Variants in UMODL1 observed in about 807,000 individuals in gnomAD.
UMODL1 encodes uromodulin like 1.
In UMODL1, 128 loss-of-function variants were observed where a neutral mutation model predicts 136.3. The observed-to-expected ratio is 0.94, with a 90% CI of 0.81 to 1.09. UMODL1 has a LOEUF of 1.09. UMODL1 is among the 50% of genes least tolerant of loss of function. The pLI, the probability that UMODL1 is intolerant of heterozygous loss-of-function variation, is 0.00. For missense variants in UMODL1, 1,766 were observed against 1,725.6 expected (o/e 1.02, Z -0.41); for synonymous variants, 721 against 720.0 (o/e 1.00, Z -0.02).
intron 15 of UMODL1, 87 bp from the exon 16 acceptor site, chr21:42,121,000 T>G: frequency 5.4e-6 from 8 of 1,493,514 alleles, no homozygotes; most frequent in Non-Finnish European, 7.2e-6. Flanking sequence ...GCTTTGTCTG[T>G]GAGATGCACT....
Position 42,122,882 on chromosome 21 carries a change from C to T in UMODL1, c.2879C>T (p.Thr960Ile). 1 of 1,613,446 alleles carries T rather than the reference C, an allele frequency of 6.2e-7. No individual in the cohort carries two copies. The highest frequency in any genetic ancestry group is 1.7e-5 in the Admixed American group (1 of 59,992). ...GCCACCAGCCCAGAGAGGCCTCTCA[C>T]CACAGCAGGGACCAAGGCTGCCTTT... ...TWATSPERPL[T>I]TAGTKAAFVQ... Residue 960 changes from threonine to isoleucine, a missense_variant, in exon 17 of 23, where the codon ACC (threonine) becomes ATC (isoleucine). By Grantham distance (89) the Thr-to-Ile change is moderately conservative. Transcript: ENST00000408910. The surrounding 1 kb of genome is among the most constrained non-coding windows in gnomAD (Gnocchi z 4.3).
At chr21:42,083,204 G>A (rs1306038166) in intron 2 of UMODL1, among the ~76,000 whole-genome samples, 4 of 152,224 alleles carry the variant, frequency 2.6e-5, no homozygotes, top group African/African-American at 9.6e-5. Flanking sequence ...TGGGCGAGCA[G>A]TGGACATGTC....
intron 20 of UMODL1, 196 bp downstream of exon 20, chr21:42,128,027 T>C (rs760882360): frequency 1.3e-5 from 9 of 717,488 alleles, no homozygotes; most frequent in Admixed American, 6.2e-5. Context: ...GGAGGACTCA[T>C]GTGGACTGGT....
At position 42,129,817 on chromosome 21, in the gene UMODL1, T is replaced by C; in HGVS notation, c.3775+20T>C. 5.3e-6 allele frequency: 8 copies of C among 1,522,582 alleles called. No homozygotes were observed. Among genetic ancestry groups the C allele is most frequent in the Non-Finnish European group, 7.0e-6 (8 of 1,138,264 alleles). 94.3% of individuals were successfully genotyped at this position (1,522,582 alleles called of 1,614,324 possible). On this transcript the variant is annotated intron_variant, in intron 21 of 22. Coordinates refer to ENST00000408910, the MANE Select transcript of UMODL1 (RefSeq NM_001004416.3). Reference sequence around the variant, plus strand: ...CTGAAGGTGAGTTGATGACTTGGTTTAGACAATGAAAGAAAAGATGCAACC... The same window carrying C: ...CTGAAGGTGAGTTGATGACTTGGTTCAGACAATGAAAGAAAAGATGCAACC...
intron 6 of UMODL1, among the ~76,000 whole-genome samples, chr21:42,090,988 G>A (rs776453340): frequency 6.6e-6 from 1 of 152,228 alleles, no homozygotes; most frequent in Non-Finnish European, 1.5e-5. Context: ...GGAAAAGGGT[G>A]AAGGCATTTT....
intron 6 of UMODL1, among the ~76,000 whole-genome samples, chr21:42,090,980 A>G (rs1254073141): frequency 1.3e-5 from 2 of 152,176 alleles, no homozygotes; most frequent in East Asian, 3.9e-4. Context: ...TCGAAACGGG[A>G]AAAGGGTGAA....
chr21:42,088,493 T>C lies in UMODL1; in HGVS notation c.790+13T>C. The C allele has an allele frequency of 6.3e-7, 1 of 1,586,692 alleles. No homozygotes were observed. The highest frequency in any genetic ancestry group is 8.6e-7 in the Non-Finnish European group (1 of 1,159,156). On this transcript the variant is annotated intron_variant, in intron 5 of 22. Transcript: ENST00000408910. ...GTCCAGGTGCAAGGTTGGGCTTCCC[T>C]CAATCCTCCCTCTGGGGAGGCTGCA...
At chr21:42,110,808 G>C in intron 10 of UMODL1, 72 bp from the exon 11 acceptor site, 1 of 1,413,724 alleles carries the variant, frequency 7.1e-7, no homozygotes, top group Non-Finnish European at 9.6e-7. Flanking sequence ...GGACGGCCAT[G>C]CTGCCCTCCT....
chr21:42,069,744 T>A (rs910995441), upstream of UMODL1, among the ~76,000 whole-genome samples: 3 of 152,184 alleles, frequency 2.0e-5, no homozygotes, highest in Non-Finnish European at 4.4e-5. Flanking sequence ...ATTCATACAT[T>A]ATAGTAGCAA....
intron 2 of UMODL1, among the ~76,000 whole-genome samples, chr21:42,083,391 C>T (rs1023318242): frequency 6.6e-6 from 1 of 152,224 alleles, no homozygotes; most frequent in African/African-American, 2.4e-5. Flanking sequence ...TGGACGCCCC[C>T]ACCTGATCTC....
rs751202873 is a variant in UMODL1, at chr21:42,114,372, CTCTTT to C, written c.2362+550_2362+554del. 2.6e-5 allele frequency among the ~76,000 whole-genome samples: 4 copies of C among 152,368 alleles called. No homozygotes were observed. The East Asian group carries it at 5.8e-4, about 22-fold the overall frequency. On this transcript the variant is annotated intron_variant, in intron 13 of 22. Coordinates refer to ENST00000408910, the MANE Select transcript of UMODL1 (RefSeq NM_001004416.3). ...TATTACACATATTTGGATGAAATTCCTCTTTTCTTTTCATTAGCATCGCTACCTGG... is the reference window on the plus strand; with the variant it reads ...TATTACACATATTTGGATGAAATTCCTCTTTTCATTAGCATCGCTACCTGG...
chr21:42,099,153 G>T lies in UMODL1; in HGVS notation c.1159G>T (p.Val387Phe). 2 of 1,613,138 alleles carry T rather than the reference G, an allele frequency of 1.2e-6. No individual in the cohort carries two copies. Among genetic ancestry groups the T allele is most frequent in the South Asian group, 2.2e-5 (2 of 91,036 alleles). Reference protein sequence around the residue: ...KTSYQGCGADVSTTLTIKTNA... With the variant: ...KTSYQGCGADFSTTLTIKTNA... ...CAGCTACCAGGGGTGCGGGGCCGAC[G>T]TCTCCACCACGCTGACCATCAAAAC... Residue 387 changes from valine (V) to phenylalanine (F), a missense_variant, in exon 7 of 23, where the codon GTC becomes TTC. By Grantham distance (50) the Val-to-Phe change is conservative (BLOSUM62 -1). Transcript: ENST00000408910. The surrounding 1 kb of genome is among the most constrained non-coding windows in gnomAD (Gnocchi z 4.1).
intron 16 of UMODL1, 28 bp downstream of exon 16, chr21:42,121,252 G>T (rs985466634): frequency 6.3e-7 from 1 of 1,596,386 alleles, no homozygotes; most frequent in Non-Finnish European, 8.5e-7. Context: ...TCTTCTTCTG[G>T]AATACTGTAT....
Position 42,085,061 on chromosome 21 carries a change from CT to C in UMODL1, c.482-229del, listed in dbSNP as rs1311877897. ...TGTGGGTCCCAGGCCCAGCTCACCT[CT>C]GAGCAGGGATCGGTGGTCTTCAGGG... On this transcript the variant is annotated intron_variant, in intron 3 of 22. Coordinates refer to ENST00000408910, the MANE Select transcript of UMODL1 (RefSeq NM_001004416.3). The surrounding 1 kb of genome is among the most constrained non-coding windows in gnomAD (Gnocchi z 4.5). Among the ~76,000 whole-genome samples the C allele has an allele frequency of 1.3e-5, 2 of 152,118 alleles. No homozygotes were observed. The highest frequency in any genetic ancestry group is 2.9e-5 in the Non-Finnish European group (2 of 68,030).
At chr21:42,092,942 A>T (rs1601201678) in intron 6 of UMODL1, among the ~76,000 whole-genome samples, 1 of 152,156 alleles carries the variant, frequency 6.6e-6, no homozygotes, top group Non-Finnish European at 1.5e-5. Flanking sequence ...GAAGACGCAC[A>T]TGAACCAGCT....
chr21:42,092,989 G>A (rs1485414311), intron 6 of UMODL1, among the ~76,000 whole-genome samples: 3 of 152,180 alleles, frequency 2.0e-5, no homozygotes, highest in Admixed American at 6.5e-5. Context: ...GCCCTCTGGC[G>A]GGGACCTGCC....
intron 1 of UMODL1, among the ~76,000 whole-genome samples, chr21:42,064,171 G>A (rs1021631355): frequency 2.0e-5 from 3 of 152,064 alleles, no homozygotes; most frequent in Admixed American, 6.6e-5. Flanking sequence ...TTTCTCTGCC[G>A]GCCGTGCCTC....
chr21:42,119,097 C>A lies in UMODL1; in HGVS notation c.2476-14C>A, dbSNP rs2066935693. Reference sequence around the variant, plus strand: ...CAGCGTGGGGACCTCCTCACATGGCCTCTTTCCCCGCAGGTGCGGGGCTCC... The same window carrying A: ...CAGCGTGGGGACCTCCTCACATGGCATCTTTCCCCGCAGGTGCGGGGCTCC... On this transcript the variant is annotated splice_polypyrimidine_tract_variant and intron_variant, in intron 14 of 22. Transcript: ENST00000408910. 6.2e-7 allele frequency: 1 copy of A among 1,610,588 alleles called. No individual in the cohort carries two copies.
intron 2 of UMODL1, among the ~76,000 whole-genome samples, chr21:42,082,683 C>T (rs112792013): frequency 0.036 from 5,532 of 152,252 alleles, 137 homozygotes; most frequent in Middle Eastern, 0.065. Context: ...TTCCTTCCGT[C>T]CTGGGAGATG....
Sources: gnomAD v4.1 joint callset for allele counts (sites outside exome capture counted in the v4.1 genomes callset) on GRCh38, gnomAD v4.1.1 for gene constraint, Gnocchi (gnomAD v3.1) non-coding constraint, MANE v1.5 for transcripts, NCBI Gene and HGNC (gene_info 2026-07-23, HGNC 2026-07-21) for gene names.